Variants in HFM1 observed in about 807,000 individuals in gnomAD.
HFM1 encodes probable ATP-dependent DNA helicase HFM1.
In HFM1, 169 loss-of-function variants were observed where a neutral mutation model predicts 192.1. The observed-to-expected ratio is 0.88, with a 90% confidence interval of 0.78 to 1.00. The LOEUF is 1.00. Among genes scored for constraint, HFM1 ranks in the 50% least tolerant of loss-of-function variants. The pLI, the probability that HFM1 is intolerant of heterozygous loss-of-function variation, is 0.00. For missense variants in HFM1, 1,661 were observed against 1,668.0 expected (o/e 1.00, Z 0.07); for synonymous variants, 525 against 537.8 (o/e 0.98, Z 0.33).
At chr1:91,296,616 A>G (rs1417733925) in intron 30 of HFM1, among the ~76,000 whole-genome samples, 1 of 152,182 alleles carries the variant, frequency 6.6e-6, no homozygotes, top group Non-Finnish European at 1.5e-5. Context: ...TAATTTGGGG[A>G]GAACTGACAT....
chr1:91,351,097 CA>C (rs1383913001), intron 17 of HFM1, among the ~76,000 whole-genome samples: 1 of 151,936 alleles, frequency 6.6e-6, no homozygotes, highest in African/African-American at 2.4e-5. Flanking sequence ...ATTGCTTTAA[CA>C]AAAGTTGAAG....
chr1:91,289,269 G>C (rs1340044064), intron 30 of HFM1, among the ~76,000 whole-genome samples: 1 of 151,300 alleles, frequency 6.6e-6, no homozygotes, highest in Non-Finnish European at 1.5e-5. Context: ...AGACGGGGCG[G>C]CGGGGCAGAG....
chr1:91,380,245 T>C lies in HFM1; in HGVS notation c.874-9A>G. On this transcript the variant is annotated splice_polypyrimidine_tract_variant and intron_variant, in intron 7 of 38. Coordinates refer to ENST00000370425, the MANE Select transcript of HFM1 (RefSeq NM_001017975.6). ...CTATCTGTGTAAAGAAGCTAAAAAA[T>C]AAAAAGTAATCAATCATGTAACATA... The C allele has an allele frequency of 6.7e-7, 1 of 1,491,522 alleles. No homozygotes were observed. The highest frequency in any genetic ancestry group is 9.0e-7 in the Non-Finnish European group (1 of 1,110,898). 92.4% of individuals were successfully genotyped at this position (1,491,522 alleles called of 1,614,324 possible).
intron 34 of HFM1, among the ~76,000 whole-genome samples, chr1:91,268,898 C>A (rs1331118487): frequency 6.6e-6 from 1 of 152,072 alleles, no homozygotes; most frequent in Non-Finnish European, 1.5e-5. Flanking sequence ...ACAACAAAGA[C>A]ATCTGTTGGG....
chr1:91,328,875 C>A, intron 20 of HFM1: 2 of 1,610,728 alleles, frequency 1.2e-6, no homozygotes, highest in Non-Finnish European at 8.5e-7. Context: ...AGCTGTGCTG[C>A]CCTGGTGAAG....
intron 30 of HFM1, among the ~76,000 whole-genome samples, chr1:91,304,412 G>C (rs1020377809): frequency 6.6e-6 from 1 of 151,916 alleles, no homozygotes; most frequent in Non-Finnish European, 1.5e-5. Context: ...CTTGTACAAG[G>C]TAATGAATGA....
chr1:91,313,860 C>A, intron 29 of HFM1, 97 bp downstream of exon 29: 1 of 617,362 alleles, frequency 1.6e-6, no homozygotes, highest in Non-Finnish European at 2.8e-6. Context: ...TTGCATAATA[C>A]CATTTATACT....
intron 2 of HFM1, among the ~76,000 whole-genome samples, chr1:91,398,506 A>C (rs1663934086): frequency 6.6e-6 from 1 of 152,150 alleles, no homozygotes; most frequent in Admixed American, 6.5e-5. Flanking sequence ...TACCACATTC[A>C]TTTGGAATTG....
chr1:91,372,170 G>A (rs531671695), intron 13 of HFM1, among the ~76,000 whole-genome samples: 244 of 152,344 alleles, frequency 1.6e-3, no homozygotes, highest in South Asian at 7.2e-3. Context: ...CATTGTGGAA[G>A]TCATTGTGGC....
chr1:91,329,299 A>G (rs1653445032), intron 20 of HFM1: 4 of 1,608,538 alleles, frequency 2.5e-6, no homozygotes, highest in Non-Finnish European at 3.4e-6. Flanking sequence ...GAGCTGGTCA[A>G]GTTCGTGTGT....
chr1:91,380,222 A>G lies in HFM1; in HGVS notation c.888T>C (p.Asp296=), dbSNP rs200804306. The G allele has an allele frequency of 1.7e-5, 27 of 1,574,396 alleles. No individual in the cohort carries two copies. In the East Asian group the frequency reaches 4.2e-4, roughly 24 times the overall value. The change falls in exon 8 of 39, where the codon GAT becomes GAC. Residue 296 remains aspartate, a synonymous_variant. Transcript: ENST00000370425. ...SKAFDDLLYT[D]RNFVICAPTG... ...TTGGAGCACAAATCACAAAATTCCTATCTGTGTAAAGAAGCTAAAAAATAA... is the reference window on the plus strand; with the variant it reads ...TTGGAGCACAAATCACAAAATTCCTGTCTGTGTAAAGAAGCTAAAAAATAA...
chr1:91,392,186 T>C (rs1663081725), intron 4 of HFM1, among the ~76,000 whole-genome samples: 1 of 151,950 alleles, frequency 6.6e-6, no homozygotes, highest in Non-Finnish European at 1.5e-5. Context: ...GAAGACAATA[T>C]GGCAATTCCT....
intron 23 of HFM1, among the ~76,000 whole-genome samples, chr1:91,321,133 A>T (rs996930553): frequency 1.3e-5 from 2 of 152,188 alleles, no homozygotes; most frequent in African/African-American, 2.4e-5. Flanking sequence ...GGAAGAATTT[A>T]AAAATAGCCT....
intron 6 of HFM1, 38 bp from the exon 7 acceptor site, chr1:91,381,020 TA>T: frequency 1.2e-6 from 1 of 865,942 alleles, no homozygotes; most frequent in Non-Finnish European, 1.8e-6. Context: ...TTTCAGAATT[TA>T]AAAAATTAGT....
At chr1:91,405,324 CAG>C (rs1365597972), upstream of HFM1, among the ~76,000 whole-genome samples, 1 of 152,144 alleles carries the variant, frequency 6.6e-6, no homozygotes, top group Admixed American at 6.5e-5. Flanking sequence ...TTTATAAAAA[CAG>C]GGCAATAATG....
At chr1:91,348,582 A>T (rs953288226) in intron 18 of HFM1, among the ~76,000 whole-genome samples, 1 of 152,222 alleles carries the variant, frequency 6.6e-6, no homozygotes, top group South Asian at 2.1e-4. Context: ...GATCATTTAA[A>T]TAAGTGATAC....
chr1:91,356,544 C>T (rs1267239028), intron 13 of HFM1, among the ~76,000 whole-genome samples: 9 of 151,802 alleles, frequency 5.9e-5, no homozygotes, highest in East Asian at 1.9e-4. Context: ...ATTATACCTA[C>T]AGGAGCTAGC....
At chr1:91,311,809 C>T (rs1383474487) in intron 30 of HFM1, among the ~76,000 whole-genome samples, 1 of 152,162 alleles carries the variant, frequency 6.6e-6, no homozygotes, top group Non-Finnish European at 1.5e-5. Context: ...TACGGCAGCC[C>T]CTTCTATCAC....
intron 36 of HFM1, among the ~76,000 whole-genome samples, chr1:91,264,359 G>GTTTTTTTTTTTTTTTTTTTTTTTTT (rs1466938761): frequency 3.7e-5 from 2 of 54,076 alleles, no homozygotes; most frequent in Non-Finnish European, 7.0e-5. Context: ...CACAAATTTA[G>GTTTTTTTTTTTTTTTTTTTTTTTTT]TATTTTTTTT....
Sources: allele counts gnomAD v4.1 joint callset (sites outside exome capture counted in the v4.1 genomes callset), GRCh38; gene constraint gnomAD v4.1.1; transcripts MANE v1.5; gene names NCBI Gene and HGNC (gene_info 2026-07-23, HGNC 2026-07-21).